ESR1: variants seen among roughly 807,000 people sequenced by gnomAD.
The protein encoded by ESR1 is estrogen receptor 1, also known as estrogen receptor.
A neutral mutation model predicts 52.7 loss-of-function variants in ESR1; 12 were observed. The observed-to-expected ratio is 0.23, with a 90% CI of 0.15 to 0.37. The LOEUF (loss-of-function observed/expected upper bound fraction) is 0.37. ESR1 is among the 10% of genes least tolerant of loss of function. ESR1 has a pLI of 1.00. For synonymous variants in ESR1, 305 were observed against 316.8 expected (o/e 0.96, Z 0.39); for missense variants, 584 against 779.7 (o/e 0.75, Z 2.99).
chr6:151,897,575 T>C (rs749921193), intron 3 of ESR1, among the ~76,000 whole-genome samples: 20 of 152,202 alleles, frequency 1.3e-4, no homozygotes, highest in Non-Finnish European at 2.6e-4. Flanking sequence ...TGTGAGTCCT[T>C]ATGTGTTAGG....
intron 4 of ESR1, among the ~76,000 whole-genome samples, chr6:151,999,249 CATCTT>C (rs1241889461): frequency 1.3e-5 from 2 of 152,062 alleles, no homozygotes. Context: ...TTCTCAAAAT[CATCTT>C]ATAATTTATT....
chr6:151,769,466 A>G (rs940524344), intron 2 of ESR1, among the ~76,000 whole-genome samples: 33 of 152,268 alleles, frequency 2.2e-4, no homozygotes, highest in African/African-American at 7.5e-4. Flanking sequence ...AAGTGTGATT[A>G]TGGCAAGGGG....
intron 3 of ESR1, among the ~76,000 whole-genome samples, chr6:151,906,547 A>G (rs1196172890): frequency 1.3e-5 from 2 of 151,694 alleles, no homozygotes; most frequent in Non-Finnish European, 2.9e-5. Flanking sequence ...GACATATACA[A>G]CAGCCTGAAT....
At chr6:151,857,057 C>T (rs778770923) in intron 2 of ESR1, among the ~76,000 whole-genome samples, 11 of 152,048 alleles carry the variant, frequency 7.2e-5, no homozygotes, top group African/African-American at 1.2e-4. Context: ...TTTGTGTGTG[C>T]GTGTGTATTC....
At chr6:151,710,154 T>G (rs1780486864) in intron 2 of ESR1, among the ~76,000 whole-genome samples, 1 of 152,050 alleles carries the variant, frequency 6.6e-6, no homozygotes, top group Non-Finnish European at 1.5e-5. Context: ...ATTTATTTGT[T>G]GCCAGGCCTG....
intron 2 of ESR1, among the ~76,000 whole-genome samples, chr6:151,863,856 A>G (rs1789346407): frequency 6.6e-6 from 1 of 152,226 alleles, no homozygotes; most frequent in Non-Finnish European, 1.5e-5. Context: ...CTGGCTAGCC[A>G]TATGTAGAAA....
At chr6:151,985,276 C>T (rs555058624) in intron 4 of ESR1, among the ~76,000 whole-genome samples, 133 of 151,926 alleles carry the variant, frequency 8.8e-4, no homozygotes, top group Non-Finnish European at 1.1e-3. Context: ...GAGGCTGAGA[C>T]GGGCGGATCA....
At chr6:151,732,584 C>G (rs1782336975) in intron 2 of ESR1, among the ~76,000 whole-genome samples, 1 of 150,904 alleles carries the variant, frequency 6.6e-6, no homozygotes, top group African/African-American at 2.4e-5. Flanking sequence ...TCTCATTCTT[C>G]TATGCTAGTG....
chr6:151,709,663 T>A (rs865906470), intron 2 of ESR1, among the ~76,000 whole-genome samples: 28 of 152,166 alleles, frequency 1.8e-4, no homozygotes, highest in African/African-American at 6.5e-4. Context: ...TTCTAACAGG[T>A]GTGAGATGAT....
rs191259951 is a variant in ESR1, at chr6:151,982,675, G to A, written c.1097-28981G>A. The stretch of plus-strand genomic sequence containing the variant: ...AATTTTTTGTATTTTTAGTAGAGAC[G>A]GGGTTTCACCGTGTTATCCAGGATG... On this transcript the variant is annotated intron_variant, in intron 4 of 7. Transcript: ENST00000206249. Among the ~76,000 whole-genome samples the A allele has an allele frequency of 6.1e-4, 92 of 151,036 alleles. 1 individual carries two copies. The East Asian group carries it at 0.013, about 22-fold the overall frequency.
At chr6:151,977,441 C>CAA (rs200819406) in intron 4 of ESR1, among the ~76,000 whole-genome samples, 5,542 of 130,310 alleles carry the variant, frequency 0.043, 183 homozygotes, top group African/African-American at 0.082. Context: ...CTGTGTAGTG[C>CAA]AAAAAAAAAA....
intron 1 of ESR1, among the ~76,000 whole-genome samples, chr6:151,697,914 C>T (rs1779478866): frequency 6.6e-6 from 1 of 152,078 alleles, no homozygotes; most frequent in Non-Finnish European, 1.5e-5. Context: ...GCCTGGCCAA[C>T]ATGGTGAAAC....
chr6:151,774,459 G>A (rs1040800683), intron 2 of ESR1, among the ~76,000 whole-genome samples: 1 of 152,202 alleles, frequency 6.6e-6, no homozygotes. Flanking sequence ...TGGATCACTG[G>A]GGACTCATTA....
intron 3 of ESR1, among the ~76,000 whole-genome samples, chr6:151,942,556 T>A (rs1258937917): frequency 6.6e-6 from 1 of 151,574 alleles, no homozygotes; most frequent in Non-Finnish European, 1.5e-5. Context: ...TACTATTTCA[T>A]GAGAAGTACT....
chr6:152,015,476 C>T (rs952865543), intron 5 of ESR1, among the ~76,000 whole-genome samples: 1 of 152,198 alleles, frequency 6.6e-6, no homozygotes, highest in Non-Finnish European at 1.5e-5. Context: ...TTCTTACCTT[C>T]CCTACTAGCT....
chr6:151,942,282 A>G lies in ESR1; in HGVS notation c.761-1891A>G, dbSNP rs9340895. On this transcript the variant is annotated intron_variant, in intron 3 of 7. Coordinates refer to ENST00000206249, the MANE Select transcript of ESR1 (RefSeq NM_000125.4). ...AAACTTGTTAAGTTTGTACCTACAT[A>G]ATGGATTAAATTCAAAATCTCTGTT... Among the ~76,000 whole-genome samples the G allele has an allele frequency of 5.6e-3, 860 of 152,304 alleles. 7 individuals carry two copies. The highest frequency in any genetic ancestry group is 0.019 in the African/African-American group (797 of 41,562).
chr6:151,959,829 C>A (rs185411574), intron 4 of ESR1, among the ~76,000 whole-genome samples: 178 of 152,206 alleles, frequency 1.2e-3, no homozygotes, highest in African/African-American at 4.1e-3. Context: ...TAACATTTGT[C>A]CTGTCAGAGA....
At chr6:151,766,302 C>A (rs1320074361) in intron 2 of ESR1, among the ~76,000 whole-genome samples, 1 of 152,080 alleles carries the variant, frequency 6.6e-6, no homozygotes, top group African/African-American at 2.4e-5. Flanking sequence ...CTCGTGAGGA[C>A]TCTCTGATAC....
intron 2 of ESR1, among the ~76,000 whole-genome samples, chr6:151,878,838 A>T (rs544465106): frequency 6.6e-6 from 1 of 152,294 alleles, no homozygotes; most frequent in Admixed American, 6.5e-5. Flanking sequence ...TAGTTTGTGA[A>T]TTTTAATATT....
Sources: gnomAD v4.1 joint callset for allele counts (sites outside exome capture counted in the v4.1 genomes callset) on GRCh38, gnomAD v4.1.1 for gene constraint, MANE v1.5 for transcripts, NCBI Gene and HGNC (gene_info 2026-07-23, HGNC 2026-07-21) for gene names.